Variants in ATP8B4 observed in about 807,000 individuals in gnomAD.
The protein encoded by ATP8B4 is ATPase phospholipid transporting 8B4 (putative).
In ATP8B4, 133 loss-of-function variants were observed where a neutral mutation model predicts 145.6. That is an observed-to-expected ratio of 0.91 (90% CI 0.79 to 1.05). The LOEUF (loss-of-function observed/expected upper bound fraction) is 1.05. ATP8B4 is among the 50% of genes least tolerant of loss of function. The pLI, the probability that ATP8B4 is intolerant of heterozygous loss-of-function variation, is 0.00. For missense variants in ATP8B4, 1,458 were observed against 1,425.2 expected, an observed-to-expected ratio of 1.02 and a Z score of -0.37; for synonymous variants, 507 against 492.9, an observed-to-expected ratio of 1.03 and a Z score of -0.38.
chr15:49,967,068 G>T (rs1265760833), intron 13 of ATP8B4, among the ~76,000 whole-genome samples: 1 of 152,112 alleles, frequency 6.6e-6, no homozygotes, highest in Non-Finnish European at 1.5e-5. Flanking sequence ...GAAGTGAATA[G>T]CATCAACATC....
At chr15:49,873,648 T>G (rs992345358) in intron 25 of ATP8B4, among the ~76,000 whole-genome samples, 1 of 152,192 alleles carries the variant, frequency 6.6e-6, no homozygotes, top group Admixed American at 6.5e-5. Context: ...ATGTATTCCT[T>G]TTATAATAAG....
chr15:50,092,075 CAATA>C (rs2055646049), intron 2 of ATP8B4, among the ~76,000 whole-genome samples: 1 of 152,098 alleles, frequency 6.6e-6, no homozygotes, highest in African/African-American at 2.4e-5. Context: ...TGAGAAAAGA[CAATA>C]ATTAGAGTTC....
intron 16 of ATP8B4, among the ~76,000 whole-genome samples, chr15:49,928,335 T>C (rs907343268): frequency 6.6e-6 from 1 of 152,052 alleles, no homozygotes; most frequent in Non-Finnish European, 1.5e-5. Flanking sequence ...TAGGGAACAT[T>C]TCCAAGAAGA....
chr15:49,950,810 CT>C (rs1394182848), intron 14 of ATP8B4, among the ~76,000 whole-genome samples: 1 of 152,124 alleles, frequency 6.6e-6, no homozygotes, highest in Non-Finnish European at 1.5e-5. Context: ...GATTTGAGAA[CT>C]TTCTAGCTTT....
At chr15:50,171,804 G>A (rs188350990) in intron 1 of ATP8B4, among the ~76,000 whole-genome samples, 23 of 151,880 alleles carry the variant, frequency 1.5e-4, no homozygotes, top group African/African-American at 4.6e-4. Flanking sequence ...AAATAAAATT[G>A]ACAGACCATT....
In ATP8B4 at chr15:50,170,908, A is replaced by C. The variant is rs529474084; in HGVS notation, c.-43+11353T>G. Among the ~76,000 whole-genome samples, 3 of 152,254 alleles carry C rather than the reference A, an allele frequency of 2.0e-5. No homozygotes were observed. The South Asian group carries it at 6.2e-4, about 32-fold the overall frequency. On this transcript the variant is annotated intron_variant, in intron 1 of 3. Transcript: ENST00000558829. Reference sequence around the variant, plus strand: ...ACACAAAAAGTGAGCAGGTGTAGCTATTCTTATATCAGACAAAACAAACTT... The same window carrying C: ...ACACAAAAAGTGAGCAGGTGTAGCTCTTCTTATATCAGACAAAACAAACTT...
upstream of ATP8B4, among the ~76,000 whole-genome samples, chr15:50,121,238 G>C (rs1325344452): frequency 6.6e-6 from 1 of 152,120 alleles, no homozygotes; most frequent in Non-Finnish European, 1.5e-5. Flanking sequence ...CATGAATAAT[G>C]AATAATGTCG....
chr15:50,136,012 G>A (rs989219002), intron 1 of ATP8B4, among the ~76,000 whole-genome samples: 9 of 152,062 alleles, frequency 5.9e-5, no homozygotes, highest in Non-Finnish European at 8.8e-5. Flanking sequence ...TTCCTCTTCC[G>A]AACTATTGAT....
chr15:50,050,069 G>C (rs2052057477), intron 3 of ATP8B4, among the ~76,000 whole-genome samples: 1 of 152,086 alleles, frequency 6.6e-6, no homozygotes, highest in Non-Finnish European at 1.5e-5. Flanking sequence ...ACCACTCATA[G>C]GACTCCCATA....
At chr15:50,111,510 C>A (rs1246968875) in intron 1 of ATP8B4, among the ~76,000 whole-genome samples, 1 of 152,206 alleles carries the variant, frequency 6.6e-6, no homozygotes, top group Non-Finnish European at 1.5e-5. Context: ...GTCTACAGGA[C>A]AAATGGCCCA....
chr15:49,968,609 C>T (rs962814964), intron 13 of ATP8B4, among the ~76,000 whole-genome samples: 1 of 151,932 alleles, frequency 6.6e-6, no homozygotes, highest in Admixed American at 6.6e-5. Flanking sequence ...TACAGGAGCA[C>T]CCAGATTCAT....
chr15:49,891,204 TAC>T (rs1354728824), intron 23 of ATP8B4, among the ~76,000 whole-genome samples: 1 of 151,986 alleles, frequency 6.6e-6, no homozygotes, highest in Non-Finnish European at 1.5e-5. Flanking sequence ...AAAATATTCA[TAC>T]ACTTGCTTGC....
At chr15:50,164,448 G>C (rs1246732566) in intron 1 of ATP8B4, among the ~76,000 whole-genome samples, 1 of 152,160 alleles carries the variant, frequency 6.6e-6, no homozygotes, top group Non-Finnish European at 1.5e-5. Context: ...GCCTAGAATG[G>C]GGACCTCAGG....
At chr15:50,001,936 T>C (rs1416205676) in intron 8 of ATP8B4, among the ~76,000 whole-genome samples, 4 of 152,306 alleles carry the variant, frequency 2.6e-5, no homozygotes, top group South Asian at 2.1e-4. Flanking sequence ...TGTAAAGTTA[T>C]TCCTGTATAT....
At chr15:50,132,042 A>T (rs575257176) in intron 1 of ATP8B4, among the ~76,000 whole-genome samples, 9 of 26,192 alleles carry the variant, frequency 3.4e-4, no homozygotes, top group African/African-American at 1.1e-3. Context: ...TCTATGCCTG[A>T]TTATAGTACT....
At chr15:50,030,011 T>C (rs929686606) in intron 6 of ATP8B4, among the ~76,000 whole-genome samples, 8 of 152,260 alleles carry the variant, frequency 5.3e-5, no homozygotes, top group African/African-American at 1.9e-4. Context: ...CAAATGCTGT[T>C]AAAATGTTGG....
intron 10 of ATP8B4, among the ~76,000 whole-genome samples, chr15:49,984,237 C>T (rs1321045614): frequency 1.3e-5 from 2 of 152,006 alleles, no homozygotes; most frequent in African/African-American, 2.4e-5. Flanking sequence ...ATTTGAACCT[C>T]GACATAAGTA....
intron 16 of ATP8B4, among the ~76,000 whole-genome samples, chr15:49,929,894 T>G (rs1442329175): frequency 6.6e-6 from 1 of 152,076 alleles, no homozygotes; most frequent in Non-Finnish European, 1.5e-5. Flanking sequence ...GAGAAAGCAT[T>G]TCTTCTTGAG....
intron 1 of ATP8B4, among the ~76,000 whole-genome samples, chr15:50,117,498 G>A (rs2057190072): frequency 6.6e-6 from 1 of 151,978 alleles, no homozygotes; most frequent in African/African-American, 2.4e-5. Flanking sequence ...AAATCCTCCA[G>A]GGGCACAAAA....
Sources: gnomAD v4.1 joint callset for allele counts (sites outside exome capture counted in the v4.1 genomes callset) on GRCh38, gnomAD v4.1.1 for gene constraint, MANE v1.5 for transcripts, NCBI Gene and HGNC (gene_info 2026-07-23, HGNC 2026-07-21) for gene names.